The following STK32C variants were observed in gnomAD, a reference collection of about 807,000 sequenced individuals.
STK32C encodes serine/threonine kinase 32C.
A neutral mutation model predicts 56.5 loss-of-function variants in STK32C; 31 were observed. That is an observed-to-expected ratio of 0.55 (90% confidence interval 0.41 to 0.74). The LOEUF (loss-of-function observed/expected upper bound fraction) is 0.74. Ranked by LOEUF, STK32C falls within the 30% of genes least tolerant of loss-of-function variation. STK32C has a pLI of 0.00. For synonymous variants in STK32C, 309 were observed against 289.4 expected (o/e 1.07, Z -0.69); for missense variants, 544 against 676.9 (o/e 0.80, Z 2.18).
At chr10:132,268,355 A>C (rs1206653702) in intron 1 of STK32C, among the ~76,000 whole-genome samples, 1 of 137,430 alleles carries the variant, frequency 7.3e-6, no homozygotes, top group Non-Finnish European at 1.5e-5. Flanking sequence ...ATGCGGGTTC[A>C]GCTCTATGCC....
chr10:132,234,149 C>A lies in STK32C; in HGVS notation c.319-6021G>T, dbSNP rs368099551. ...GATAACCAAGGCTCTTAACACCTTGCCTGGCTACTCCCAGCTCTCCTCGCC... is the reference window on the plus strand; with the variant it reads ...GATAACCAAGGCTCTTAACACCTTGACTGGCTACTCCCAGCTCTCCTCGCC... On this transcript the variant is annotated intron_variant, in intron 2 of 11. Transcript: ENST00000298630. 3.3e-4 allele frequency among the ~76,000 whole-genome samples: 51 copies of A among 152,304 alleles called. 1 individual carries two copies. The highest frequency in any genetic ancestry group is 1.2e-3 in the African/African-American group (50 of 41,562).
chr10:132,230,570 C>T (rs1294278916), intron 2 of STK32C, among the ~76,000 whole-genome samples: 4 of 151,718 alleles, frequency 2.6e-5, no homozygotes, highest in Non-Finnish European at 5.9e-5. Context: ...ACCAGACAGG[C>T]TGTGAGACAA....
intron 8 of STK32C, among the ~76,000 whole-genome samples, chr10:132,224,120 C>T (rs559688185): frequency 9.2e-5 from 14 of 151,894 alleles, no homozygotes; most frequent in South Asian, 2.1e-4. Context: ...GCAGGGCGGG[C>T]GCACAAGCCT....
chr10:132,210,957 C>T (rs888580048), intron 10 of STK32C, among the ~76,000 whole-genome samples: 7 of 152,198 alleles, frequency 4.6e-5, no homozygotes, highest in African/African-American at 9.7e-5. Flanking sequence ...ATTCCCCACA[C>T]GTACACGGTG....
upstream of STK32C, chr10:132,332,054 C>T (rs1043102951): frequency 3.2e-6 from 1 of 317,074 alleles, no homozygotes; most frequent in Non-Finnish European, 5.8e-6. Context: ...GCACAAACCC[C>T]CACAACACGC....
chr10:132,228,809 G>A (rs528602102), intron 2 of STK32C, among the ~76,000 whole-genome samples: 112 of 152,304 alleles, frequency 7.4e-4, no homozygotes, highest in Non-Finnish European at 1.3e-3. Context: ...ACCGACTCCC[G>A]TCTCAACACC....
intron 2 of STK32C, among the ~76,000 whole-genome samples, chr10:132,234,779 G>A (rs962897364): frequency 2.6e-5 from 4 of 152,242 alleles, no homozygotes; most frequent in African/African-American, 4.8e-5. Context: ...GGGGTTGGAG[G>A]TCAGGTAAAG....
In STK32C at chr10:132,285,484, C is replaced by A. The variant is rs560613378; in HGVS notation, c.262+22088G>T. Among the ~76,000 whole-genome samples the A allele has an allele frequency of 4.1e-4, 63 of 152,302 alleles. 1 individual carries two copies. Among genetic ancestry groups the A allele is most frequent in the South Asian group, 1.2e-3 (6 of 4,826 alleles). On this transcript the variant is annotated intron_variant, in intron 1 of 11. Coordinates refer to ENST00000298630, the MANE Select transcript of STK32C (RefSeq NM_173575.4). ...AAAAGATGTACTTCCTATTTAAAGACACAGGTTAAAAAGGAAAAGGGTGGA... is the reference window on the plus strand; with the variant it reads ...AAAAGATGTACTTCCTATTTAAAGAAACAGGTTAAAAAGGAAAAGGGTGGA...
chr10:132,287,624 G>C (rs2065446429), intron 1 of STK32C, among the ~76,000 whole-genome samples: 1 of 151,684 alleles, frequency 6.6e-6, no homozygotes, highest in African/African-American at 2.4e-5. Context: ...GCTAATTTTT[G>C]TGATTTTTAG....
At chr10:132,299,808 C>T (rs889239014) in intron 1 of STK32C, among the ~76,000 whole-genome samples, 4 of 152,226 alleles carry the variant, frequency 2.6e-5, no homozygotes, top group African/African-American at 4.8e-5. Context: ...GTTTGAGAAA[C>T]GCGGTGCCAG....
chr10:132,255,368 C>A lies in STK32C; in HGVS notation c.263-9413G>T, dbSNP rs2064078447. Among the ~76,000 whole-genome samples the A allele has an allele frequency of 6.6e-6, 1 of 152,300 alleles. No individual in the cohort carries two copies. Among genetic ancestry groups the A allele is most frequent in the African/African-American group, 2.4e-5 (1 of 41,566 alleles). ...CACTCCCACTCCTCAGGTGCCCTGGCCCGCTAGGTCAACAGGAACCACAGG... is the reference window on the plus strand; with the variant it reads ...CACTCCCACTCCTCAGGTGCCCTGGACCGCTAGGTCAACAGGAACCACAGG... On this transcript the variant is annotated intron_variant, in intron 1 of 11. Transcript: ENST00000298630. The surrounding 1 kb of genome is among the most constrained non-coding windows in gnomAD (Gnocchi z 4.6).
chr10:132,238,803 T>A (rs572452698), intron 2 of STK32C, among the ~76,000 whole-genome samples: 1 of 151,804 alleles, frequency 6.6e-6, no homozygotes, highest in East Asian at 1.9e-4. Context: ...ACATACCACA[T>A]ACACACATGC....
chr10:132,247,121 C>T (rs985803833), intron 1 of STK32C, among the ~76,000 whole-genome samples: 3 of 152,188 alleles, frequency 2.0e-5, no homozygotes, highest in African/African-American at 7.2e-5. Context: ...GAGGCAGACC[C>T]GGGGAGACAG....
intron 1 of STK32C, among the ~76,000 whole-genome samples, chr10:132,268,129 G>A (rs1028635844): frequency 2.7e-5 from 4 of 145,666 alleles, no homozygotes; most frequent in East Asian, 2.1e-4. Context: ...CTGTGCCTGC[G>A]TGCATGCGTC....
At chr10:132,235,009 TGGTGTGAGC>T (rs1256711411) in intron 2 of STK32C, among the ~76,000 whole-genome samples, 1 of 152,120 alleles carries the variant, frequency 6.6e-6, no homozygotes, top group Non-Finnish European at 1.5e-5. Flanking sequence ...AAGCTGTGAC[TGGTGTGAGC>T]GGTGTGAGCA....
intron 2 of STK32C, among the ~76,000 whole-genome samples, chr10:132,231,893 G>A (rs912712528): frequency 3.3e-4 from 50 of 152,348 alleles, no homozygotes; most frequent in African/African-American, 1.1e-3. Context: ...GTCCTCCCAC[G>A]GAGCCGCCCA....
intron 1 of STK32C, among the ~76,000 whole-genome samples, chr10:132,269,180 C>A (rs372419251): frequency 1.4e-5 from 2 of 147,794 alleles, no homozygotes; most frequent in Non-Finnish European, 3.0e-5. Context: ...TGTGTCACAT[C>A]GTGTGTGTGT....
chr10:132,224,543 G>A lies in STK32C; in HGVS notation c.877-20C>T, dbSNP rs2062807644. On this transcript the variant is annotated intron_variant, in intron 7 of 11. Transcript: ENST00000298630. ...GGGCCTCTGGAGACAGGGAGGCAGT[G>A]CTGGGCAGGTCCTCCTGGCCCCCAG... 2 of 1,570,352 alleles carry A rather than the reference G, an allele frequency of 1.3e-6. No homozygotes were observed. Among genetic ancestry groups the A allele is most frequent in the East Asian group, 4.6e-5 (2 of 43,830 alleles).
chr10:132,331,999 A>AC (rs550402636), upstream of STK32C, among the ~76,000 whole-genome samples: 3,409 of 114,738 alleles, frequency 0.03, 55 homozygotes, highest in Middle Eastern at 0.093. Context: ...ACCACACCCG[A>AC]CCCCCTGCCG....
Sources: gnomAD v4.1 joint callset for allele counts (sites outside exome capture counted in the v4.1 genomes callset) on GRCh38, gnomAD v4.1.1 for gene constraint, Gnocchi (gnomAD v3.1) non-coding constraint, MANE v1.5 for transcripts, NCBI Gene and HGNC (gene_info 2026-07-23, HGNC 2026-07-21) for gene names.